Variants in GDPD4 observed in about 807,000 individuals in gnomAD.
GDPD4 encodes glycerophosphodiester phosphodiesterase 6.
Under a neutral mutation model 67.8 loss-of-function variants are expected in GDPD4, and 60 were observed. The observed-to-expected ratio is 0.88, with a 90% confidence interval of 0.72 to 1.10. The LOEUF (loss-of-function observed/expected upper bound fraction) is 1.10, where lower values mean the gene tolerates loss of function less well. Among genes scored for constraint, GDPD4 ranks in the 50% least tolerant of loss-of-function variants. GDPD4 has a pLI of 0.00. For missense variants in GDPD4, 623 were observed against 613.9 expected (o/e 1.01, Z -0.16); for synonymous variants, 212 against 210.9 (o/e 1.00, Z -0.04).
In GDPD4 at chr11:77,297,656, T is replaced by C. The variant is rs566150109; in HGVS notation, c.-254+3949A>G. Among the ~76,000 whole-genome samples, 13 of 152,354 alleles carry C rather than the reference T, an allele frequency of 8.5e-5. 1 individual carries two copies. Among genetic ancestry groups the C allele is most frequent in the African/African-American group, 2.9e-4 (12 of 41,578 alleles). On this transcript the variant is annotated intron_variant, in intron 1 of 16. Transcript: ENST00000315938. Reference sequence around the variant, plus strand: ...TTATGTAAGTATTCTGTACCTCAGTTTTCTCATCTTTAAATGTGGATGATA... The same window carrying C: ...TTATGTAAGTATTCTGTACCTCAGTCTTCTCATCTTTAAATGTGGATGATA...
Position 77,222,322 on chromosome 11 carries a change from G to GTCTT in GDPD4, c.1526-5012_1526-5009dup, listed in dbSNP as rs774466096. 1.1e-3 allele frequency among the ~76,000 whole-genome samples: 170 copies of GTCTT among 152,140 alleles called. 1 individual carries two copies. The highest frequency in any genetic ancestry group is 2.2e-4 in the Non-Finnish European group (15 of 68,030). On this transcript the variant is annotated intron_variant, in intron 16 of 16. Transcript: ENST00000315938. ...ATGCAGTTTCTTCCTAGCTTTGACG[G>GTCTT]TCTTTACAGTTTGGCATGTTTTTGC... is the stretch of plus-strand genomic sequence containing the variant.
At chr11:77,259,032 T>A (rs1959062038) in intron 10 of GDPD4, among the ~76,000 whole-genome samples, 1 of 152,200 alleles carries the variant, frequency 6.6e-6, no homozygotes, top group South Asian at 2.1e-4. Context: ...TCACCCAGAC[T>A]GGAGTGCAGT....
At chr11:77,239,931 C>T (rs942373737) in intron 13 of GDPD4, among the ~76,000 whole-genome samples, 1 of 147,648 alleles carries the variant, frequency 6.8e-6, no homozygotes, top group Non-Finnish European at 1.5e-5. Flanking sequence ...CACTGCACTC[C>T]AGCCTAGATG....
At position 77,269,006 on chromosome 11, in the gene GDPD4, A is replaced by G; in HGVS notation, c.542T>C (p.Leu181Pro). The G allele has an allele frequency of 6.2e-7, 1 of 1,613,980 alleles. No homozygotes were observed. The highest frequency in any genetic ancestry group is 1.1e-5 in the South Asian group (1 of 91,074). Reference sequence around the variant, plus strand: ...CTGAATGCAGGGAGAATAAATCCCCAGTGGCATCAAATAGAGACCTAAAAG... The same window carrying G: ...CTGAATGCAGGGAGAATAAATCCCCGGTGGCATCAAATAGAGACCTAAAAG... Reference protein sequence around the residue: ...LILLGLYLMPLGIYSPCIQEK... With the variant: ...LILLGLYLMPPGIYSPCIQEK... The change falls in exon 9 of 17, where the codon CTG becomes CCG. Residue 181 changes from leucine to proline, a missense_variant. Leu to Pro is a moderately conservative substitution (Grantham distance 98). Coordinates refer to ENST00000315938, the MANE Select transcript of GDPD4 (RefSeq NM_182833.3).
In GDPD4 at chr11:77,216,621, T is replaced by G; in HGVS notation, c.*656A>C. The G allele has an allele frequency of 5.3e-6, 2 of 375,726 alleles. No individual in the cohort carries two copies. The highest frequency in any genetic ancestry group is 9.7e-6 in the Non-Finnish European group (2 of 205,624). The allele number at this position is 375,726 out of a possible 1,614,324, so 23.3% of individuals were successfully genotyped here. On this transcript the variant is annotated 3_prime_UTR_variant, in exon 17 of 17. Coordinates refer to ENST00000315938, the MANE Select transcript of GDPD4 (RefSeq NM_182833.3). ...CCTTTAGCAGAAAATATTATGGAGG[T>G]GTTAGGATGAGATAAACCTGACAGC...
intron 13 of GDPD4, among the ~76,000 whole-genome samples, chr11:77,240,674 ACAAT>A (rs773517181): frequency 2.0e-5 from 3 of 152,210 alleles, no homozygotes; most frequent in Non-Finnish European, 2.9e-5. Flanking sequence ...AGCAAAGGAA[ACAAT>A]CAACAGAGTG....
In GDPD4 at chr11:77,257,115, G is replaced by T. The variant is rs115363651; in HGVS notation, c.864+1271C>A. On this transcript the variant is annotated intron_variant, in intron 11 of 16. Coordinates refer to ENST00000315938, the MANE Select transcript of GDPD4 (RefSeq NM_182833.3). Reference sequence around the variant, plus strand: ...TTCTTTTCCTAATTACACTACTACCGTATAAGTGAGCTATTACCACAGCTG... The same window carrying T: ...TTCTTTTCCTAATTACACTACTACCTTATAAGTGAGCTATTACCACAGCTG... Among the ~76,000 whole-genome samples, 689 of 152,080 alleles carry T rather than the reference G, an allele frequency of 4.5e-3. 9 individuals carry two copies. The highest frequency in any genetic ancestry group is 0.016 in the African/African-American group (644 of 41,460).
intron 13 of GDPD4, among the ~76,000 whole-genome samples, chr11:77,234,199 C>A (rs538648903): frequency 3.1e-4 from 47 of 152,272 alleles, no homozygotes; most frequent in Non-Finnish European, 6.0e-4. Flanking sequence ...GCCTCCTTAA[C>A]AGAGGTGCTA....
chr11:77,274,311 A>T (rs2135876703), intron 5 of GDPD4, among the ~76,000 whole-genome samples: 1 of 152,272 alleles, frequency 6.6e-6, no homozygotes, highest in South Asian at 2.1e-4. Context: ...TAAGGCTTGG[A>T]CCTGTGTTCC....
intron 16 of GDPD4, among the ~76,000 whole-genome samples, chr11:77,222,280 A>G (rs981562885): frequency 3.3e-5 from 5 of 152,128 alleles, no homozygotes; most frequent in Non-Finnish European, 7.3e-5. Flanking sequence ...TTAGCTGGTT[A>G]TTTTGCTTGT....
Sources: allele counts gnomAD v4.1 joint callset (sites outside exome capture counted in the v4.1 genomes callset), GRCh38; gene constraint gnomAD v4.1.1; transcripts MANE v1.5; gene names NCBI Gene and HGNC (gene_info 2026-07-23, HGNC 2026-07-21).